The following LIMA1 variants were observed in gnomAD, a reference collection of about 807,000 sequenced individuals.
LIMA1 encodes LIM domain and actin binding 1.
Under a neutral mutation model 62.6 loss-of-function variants are expected in LIMA1, and 52 were observed. The observed-to-expected ratio is 0.83, with a 90% CI of 0.67 to 1.05. The LOEUF is 1.05. Ranked by LOEUF, LIMA1 falls within the 50% of genes least tolerant of loss-of-function variation. LIMA1 has a pLI of 0.00. For synonymous variants in LIMA1, 302 were observed against 317.8 expected, an observed-to-expected ratio of 0.95 and a Z score of 0.53; for missense variants, 780 against 902.2, an observed-to-expected ratio of 0.86 and a Z score of 1.74.
chr12:50,280,289 G>A (rs940311564), intron 1 of LIMA1, among the ~76,000 whole-genome samples: 2 of 151,366 alleles, frequency 1.3e-5, no homozygotes, highest in African/African-American at 4.9e-5. Context: ...CGAGTAGCTA[G>A]GACTACAGGC....
chr12:50,183,520 A>G (rs748462497), intron 9 of LIMA1, among the ~76,000 whole-genome samples: 6 of 152,144 alleles, frequency 3.9e-5, no homozygotes, highest in Non-Finnish European at 8.8e-5. Flanking sequence ...TGAGTAAAAA[A>G]AATCCAAAAT....
chr12:50,184,244 T>A (rs1940576519), intron 9 of LIMA1, among the ~76,000 whole-genome samples: 1 of 152,244 alleles, frequency 6.6e-6, no homozygotes, highest in South Asian at 2.1e-4. Context: ...TTATCGTATT[T>A]GGAGTTCAGA....
rs79103659 is a variant in LIMA1, at chr12:50,248,051, C to T, written c.119+582G>A. Among the ~76,000 whole-genome samples the T allele has an allele frequency of 9.6e-3, 1,456 of 152,316 alleles. 14 individuals carry two copies. The highest frequency in any genetic ancestry group is 0.061 in the Middle Eastern group (18 of 294). Reference sequence around the variant, plus strand: ...TGAAATGTTTCTGTGCTGTTCAATACGACAGTCACCAACAAGTAGTTACTG... The same window carrying T: ...TGAAATGTTTCTGTGCTGTTCAATATGACAGTCACCAACAAGTAGTTACTG... On this transcript the variant is annotated intron_variant, in intron 2 of 10. Transcript: ENST00000341247.
At chr12:50,212,099 T>G (rs1941267666) in intron 4 of LIMA1, among the ~76,000 whole-genome samples, 1 of 152,272 alleles carries the variant, frequency 6.6e-6, no homozygotes, top group East Asian at 1.9e-4. Flanking sequence ...ATAAAAGTTT[T>G]AGACAGTAGT....
intron 1 of LIMA1, among the ~76,000 whole-genome samples, chr12:50,260,131 T>G (rs888113586): frequency 6.6e-6 from 1 of 151,180 alleles, no homozygotes; most frequent in Non-Finnish European, 1.5e-5. Flanking sequence ...TTTCCTGGCT[T>G]CCACTCCTAG....
At chr12:50,212,854 G>A (rs1319131637) in intron 4 of LIMA1, among the ~76,000 whole-genome samples, 6 of 151,776 alleles carry the variant, frequency 4.0e-5, no homozygotes, top group African/African-American at 7.3e-5. Context: ...TTGCTCTGTC[G>A]CCCAGGATGG....
chr12:50,201,305 T>A lies in LIMA1; in HGVS notation c.865-421A>T, dbSNP rs1173793942. 4.0e-6 allele frequency: 4 copies of A among 991,360 alleles called. No individual in the cohort carries two copies. In the East Asian group the frequency reaches 3.3e-4, roughly 83 times the overall value. 61.4% of individuals were successfully genotyped at this position (991,360 alleles called of 1,614,324 possible). On this transcript the variant is annotated intron_variant, in intron 6 of 10. Transcript: ENST00000341247. ...CCAATAATAGAAAATATACTGACCA[T>A]ACATATATAAATGCCCGGCCTGGAA...
chr12:50,254,891 C>A (rs1941973528), intron 1 of LIMA1, among the ~76,000 whole-genome samples: 1 of 151,976 alleles, frequency 6.6e-6, no homozygotes, highest in African/African-American at 2.4e-5. Context: ...AAAACCCTGT[C>A]TCTACTAAAA....
intron 1 of LIMA1, among the ~76,000 whole-genome samples, chr12:50,271,078 C>T (rs1452229697): frequency 3.9e-5 from 6 of 152,058 alleles, no homozygotes; most frequent in Non-Finnish European, 8.8e-5. Flanking sequence ...GGCGACAGAG[C>T]GAGACTCCGT....
chr12:50,222,539 A>G, intron 3 of LIMA1, 54 bp from the exon 4 acceptor site: 1 of 1,611,650 alleles, frequency 6.2e-7, no homozygotes, highest in Middle Eastern at 1.6e-4. Flanking sequence ...AAACATTCAA[A>G]CATGTTGTTC....
intron 2 of LIMA1, among the ~76,000 whole-genome samples, chr12:50,239,867 G>A (rs915777484): frequency 6.6e-6 from 1 of 150,524 alleles, no homozygotes; most frequent in East Asian, 2.0e-4. Context: ...GGTGGCATGC[G>A]CCTGTAGTCC....
rs766134182 is a variant in LIMA1 at position 50,177,494 on chromosome 12, C to T, written c.1850G>A (p.Ser617Asn). 19 of 1,613,460 alleles carry T rather than the reference C, an allele frequency of 1.2e-5. No individual in the cohort carries two copies. Among genetic ancestry groups the T allele is most frequent in the Middle Eastern group, 1.7e-4 (1 of 6,056 alleles). ...TVSPPIRKGW[S>N]MSEQSEESVG... Reference sequence around the variant, plus strand: ...AGACTCTTCACTCTGCTCTGACATGCTCCAGCCTTTCCTGATAGGTGGGGA... The same window carrying T: ...AGACTCTTCACTCTGCTCTGACATGTTCCAGCCTTTCCTGATAGGTGGGGA... Residue 617 changes from serine to asparagine, a missense_variant, in exon 11 of 11, where the codon AGC becomes AAC. Physicochemically the swap from Ser to Asn is conservative, Grantham distance 46. Transcript: ENST00000341247.
chr12:50,229,980 A>C (rs1002284425), intron 3 of LIMA1: 2 of 152,192 alleles, frequency 1.3e-5, no homozygotes, highest in African/African-American at 2.4e-5. Flanking sequence ...TATCCTCCTT[A>C]CCTGCCTCAT....
chr12:50,178,541 A>G (rs991796882), intron 10 of LIMA1, among the ~76,000 whole-genome samples: 3 of 151,914 alleles, frequency 2.0e-5, no homozygotes, highest in African/African-American at 7.3e-5. Flanking sequence ...AAAAAAAAAA[A>G]AAAAGAAAAA....
chr12:50,253,515 T>G (rs1281903995), intron 1 of LIMA1, among the ~76,000 whole-genome samples: 1 of 152,214 alleles, frequency 6.6e-6, no homozygotes, highest in African/African-American at 2.4e-5. Flanking sequence ...ACCGCCACTT[T>G]TAGCCAATGT....
At chr12:50,235,326 T>C in intron 2 of LIMA1, among the ~76,000 whole-genome samples, 1 of 148,228 alleles carries the variant, frequency 6.7e-6, no homozygotes. Context: ...TCTCCTAGGC[T>C]GGAGTATAGT....
At chr12:50,202,423 T>C (rs1484380055) in intron 6 of LIMA1, among the ~76,000 whole-genome samples, 1 of 151,948 alleles carries the variant, frequency 6.6e-6, no homozygotes, top group Non-Finnish European at 1.5e-5. Flanking sequence ...TTTCCCCACA[T>C]AGGGAGTCAC....
chr12:50,222,688 C>G, intron 3 of LIMA1: 2 of 1,487,920 alleles, frequency 1.3e-6, no homozygotes, highest in Non-Finnish European at 8.9e-7. Flanking sequence ...GAGAAAAACT[C>G]AGGAGCTGAA....
At chr12:50,234,921 G>A (rs1941668695) in intron 2 of LIMA1, among the ~76,000 whole-genome samples, 1 of 152,018 alleles carries the variant, frequency 6.6e-6, no homozygotes, top group Non-Finnish European at 1.5e-5. Flanking sequence ...TGAGATAGGA[G>A]GATTCCTTGA....
Sources: allele counts gnomAD v4.1 joint callset (sites outside exome capture counted in the v4.1 genomes callset), GRCh38; gene constraint gnomAD v4.1.1; transcripts MANE v1.5; gene names NCBI Gene and HGNC (gene_info 2026-07-23, HGNC 2026-07-21).